Variants in TMEM232 observed in about 807,000 individuals in gnomAD.
TMEM232 encodes the protein transmembrane protein 232.
A neutral mutation model predicts 78.8 loss-of-function variants in TMEM232; 80 were observed. That is an observed-to-expected ratio of 1.01 (90% CI 0.85 to 1.22). The LOEUF (loss-of-function observed/expected upper bound fraction) is 1.22. TMEM232 is among the 50% of genes most tolerant of loss of function. The pLI is 0.00. For missense variants in TMEM232, 881 were observed against 742.2 expected (o/e 1.19, Z -2.17); for synonymous variants, 297 against 254.3 (o/e 1.17, Z -1.60).
chr5:110,498,710 A>G (rs1468278804), intron 12 of TMEM232, among the ~76,000 whole-genome samples: 2 of 152,158 alleles, frequency 1.3e-5, no homozygotes, highest in East Asian at 3.9e-4. Context: ...GAAACTTACA[A>G]GTGTATTGCT....
intron 5 of TMEM232, among the ~76,000 whole-genome samples, chr5:110,635,842 C>T (rs943367159): frequency 6.6e-6 from 1 of 151,916 alleles, no homozygotes; most frequent in Non-Finnish European, 1.5e-5. Flanking sequence ...CTATGGAAAA[C>T]AGTGTTTAGG....
At chr5:110,526,345 T>C (rs905745191) in intron 12 of TMEM232, among the ~76,000 whole-genome samples, 9 of 151,026 alleles carry the variant, frequency 6.0e-5, no homozygotes, top group Admixed American at 2.6e-4. Context: ...GATTAATAGA[T>C]ATATAGTCCC....
chr5:110,709,300 C>T (rs979365276), intron 1 of TMEM232, among the ~76,000 whole-genome samples: 1 of 151,966 alleles, frequency 6.6e-6, no homozygotes, highest in Non-Finnish European at 1.5e-5. Context: ...ACTTCAATAC[C>T]CCACTTTCAG....
chr5:110,620,662 C>CT (rs1783596007), intron 7 of TMEM232, among the ~76,000 whole-genome samples: 3 of 100,434 alleles, frequency 3.0e-5, no homozygotes, highest in African/African-American at 7.9e-5. Context: ...TCTCTCTCCT[C>CT]CTCTCTCTCT....
At chr5:110,459,389 T>C (rs1371525691) in intron 12 of TMEM232, among the ~76,000 whole-genome samples, 4 of 152,132 alleles carry the variant, frequency 2.6e-5, no homozygotes, top group Admixed American at 2.0e-4. Flanking sequence ...ATCTTAAAAA[T>C]ACAAAATAAA....
intron 12 of TMEM232, among the ~76,000 whole-genome samples, chr5:110,516,336 G>A (rs970422980): frequency 1.3e-5 from 2 of 152,126 alleles, no homozygotes; most frequent in East Asian, 1.9e-4. Context: ...ATAATTAGTT[G>A]TTTATAAGAT....
At chr5:110,455,838 A>T (rs1373373246) in intron 12 of TMEM232, among the ~76,000 whole-genome samples, 2 of 152,246 alleles carry the variant, frequency 1.3e-5, no homozygotes, top group Non-Finnish European at 2.9e-5. Flanking sequence ...ATCACTAAAA[A>T]AGAAAAACCG....
intron 1 of TMEM232, among the ~76,000 whole-genome samples, chr5:110,671,101 C>A (rs1276435238): frequency 6.6e-6 from 1 of 152,084 alleles, no homozygotes; most frequent in Admixed American, 6.6e-5. Flanking sequence ...TATGAACAGA[C>A]ACTTCTCAAA....
chr5:110,393,760 C>T (rs1755286172), intron 3 of TMEM232, among the ~76,000 whole-genome samples: 1 of 151,954 alleles, frequency 6.6e-6, no homozygotes, highest in East Asian at 1.9e-4. Flanking sequence ...AGTTTCTGAG[C>T]AGCCTCACCA....
chr5:110,404,156 T>C (rs1348902461), intron 2 of TMEM232, among the ~76,000 whole-genome samples: 1 of 152,108 alleles, frequency 6.6e-6, no homozygotes, highest in Non-Finnish European at 1.5e-5. Flanking sequence ...ATAAATTTAA[T>C]TTTGACATTG....
At chr5:110,553,310 T>A (rs10056242) in intron 11 of TMEM232, among the ~76,000 whole-genome samples, 14,403 of 152,198 alleles carry the variant, frequency 0.095, 821 homozygotes, top group South Asian at 0.2. Flanking sequence ...AATATGCATA[T>A]TGCTTTGGGC....
intron 2 of TMEM232, among the ~76,000 whole-genome samples, chr5:110,646,940 T>G (rs1355410856): frequency 6.6e-6 from 1 of 150,772 alleles, no homozygotes; most frequent in Non-Finnish European, 1.5e-5. Flanking sequence ...AAAGGTTTTG[T>G]TTTTTTTTCT....
At chr5:110,662,687 A>C (rs565126611) in intron 2 of TMEM232, among the ~76,000 whole-genome samples, 1 of 152,272 alleles carries the variant, frequency 6.6e-6, no homozygotes, top group South Asian at 2.1e-4. Context: ...TATCAATTAC[A>C]TGTGAATGCA....
intron 12 of TMEM232, among the ~76,000 whole-genome samples, chr5:110,526,874 GATA>G (rs1377315314): frequency 6.6e-6 from 1 of 151,790 alleles, no homozygotes; most frequent in African/African-American, 2.4e-5. Context: ...TTTAAAAAAT[GATA>G]ATAACTAGAA....
At chr5:110,686,731 A>G (rs1424969865) in intron 1 of TMEM232, among the ~76,000 whole-genome samples, 1 of 152,218 alleles carries the variant, frequency 6.6e-6, no homozygotes. Context: ...ATATAACAGA[A>G]ATAAAAATAA....
At chr5:110,492,416 C>T (rs960725961) in intron 12 of TMEM232, among the ~76,000 whole-genome samples, 11 of 151,498 alleles carry the variant, frequency 7.3e-5, no homozygotes, top group East Asian at 1.9e-4. Context: ...TGTTACATAA[C>T]GAATCAAAAA....
intron 1 of TMEM232, among the ~76,000 whole-genome samples, chr5:110,711,425 T>C (rs369927659): frequency 3.9e-5 from 6 of 152,202 alleles, no homozygotes; most frequent in African/African-American, 1.4e-4. Context: ...AAAATTTATA[T>C]GAAACCACAA....
rs115912486 is a variant in TMEM232 at position 110,437,572 on chromosome 5, T to C, written c.1704-12656A>G. Among the ~76,000 whole-genome samples the C allele has an allele frequency of 5.3e-3, 810 of 152,166 alleles. 8 individuals carry two copies. The highest frequency in any genetic ancestry group is 0.018 in the African/African-American group (743 of 41,574). Reference sequence around the variant, plus strand: ...ATCTGAGTGGTGAGAACTTTGGTGCTAGTTTTATTATATTATTATCATTAC... The same window carrying C: ...ATCTGAGTGGTGAGAACTTTGGTGCCAGTTTTATTATATTATTATCATTAC... On this transcript the variant is annotated intron_variant, in intron 12 of 13. Coordinates refer to ENST00000455884, the MANE Select transcript of TMEM232 (RefSeq NM_001039763.4).
chr5:110,403,502 A>G (rs928862120), intron 2 of TMEM232, among the ~76,000 whole-genome samples: 1 of 152,040 alleles, frequency 6.6e-6, no homozygotes, highest in Admixed American at 6.6e-5. Flanking sequence ...TGTTTGTCAG[A>G]GAGTTGCCAG....
Sources: allele counts gnomAD v4.1 joint callset (sites outside exome capture counted in the v4.1 genomes callset), GRCh38; gene constraint gnomAD v4.1.1; transcripts MANE v1.5; gene names NCBI Gene and HGNC (gene_info 2026-07-23, HGNC 2026-07-21).